Variants in GPR89B observed in about 807,000 individuals in gnomAD.
GPR89B encodes golgi pH regulator B.
Under a neutral mutation model 52.4 loss-of-function variants are expected in GPR89B, and 25 were observed. The observed-to-expected ratio is 0.48, with a 90% CI of 0.35 to 0.67. The LOEUF (loss-of-function observed/expected upper bound fraction) is 0.67. Ranked by LOEUF, GPR89B falls within the 30% of genes least tolerant of loss-of-function variation. The probability of loss-of-function intolerance (pLI) is 0.01; values close to 1 mark genes in which losing one functional copy is unlikely to be tolerated. For missense variants in GPR89B, 146 were observed against 450.2 expected, an observed-to-expected ratio of 0.32 and a Z score of 6.11; for synonymous variants, 52 against 151.2, an observed-to-expected ratio of 0.34 and a Z score of 4.81.
intron 5 of GPR89B, among the ~76,000 whole-genome samples, chr1:147,950,404 C>T (rs1655554353): frequency 6.6e-6 from 1 of 150,900 alleles, no homozygotes; most frequent in Admixed American, 6.6e-5. Flanking sequence ...CTCCTCACTT[C>T]CTAGATGGTA....
intron 10 of GPR89B, among the ~76,000 whole-genome samples, chr1:147,970,514 TC>T (rs1657357115): frequency 6.7e-6 from 1 of 149,386 alleles, no homozygotes; most frequent in African/African-American, 2.5e-5. Flanking sequence ...TCTCTCTCTC[TC>T]TCTCTCTCTC....
At position 147,980,515 on chromosome 1, in the gene GPR89B, C is replaced by A. The variant is rs1438946714; in HGVS notation, c.910-5684C>A. ...TACTATCCTTTTAATATCTATAGAA[C>A]CTGTAGAGACTGTTATTTTTTTCAT... On this transcript the variant is annotated intron_variant, in intron 10 of 13. Coordinates refer to ENST00000314163, the MANE Select transcript of GPR89B (RefSeq NM_016334.5). Among the ~76,000 whole-genome samples the A allele has an allele frequency of 8.5e-3, 1,088 of 128,148 alleles. 19 individuals carry two copies. The highest frequency in any genetic ancestry group is 0.032 in the African/African-American group (1,040 of 32,192). The allele number at this position is 128,148 out of a possible 152,430, so 84.1% of individuals were successfully genotyped here.
intron 7 of GPR89B, among the ~76,000 whole-genome samples, chr1:147,962,146 A>C (rs1400641984): frequency 6.6e-6 from 1 of 151,886 alleles, no homozygotes; most frequent in Non-Finnish European, 1.5e-5. Flanking sequence ...ACACATGGCC[A>C]GGCACGGTGG....
At chr1:147,997,282 G>A (rs1659337588), downstream of GPR89B, among the ~76,000 whole-genome samples, 1 of 152,184 alleles carries the variant, frequency 6.6e-6, no homozygotes. Flanking sequence ...TAGAAGCCCG[G>A]TAAAGCATTA....
chr1:148,007,543 A>G, the GPR89B span, among the ~76,000 whole-genome samples: 1 of 149,016 alleles, frequency 6.7e-6, no homozygotes, highest in Non-Finnish European at 1.5e-5. Flanking sequence ...ATCTTCTTAC[A>G]GCTATTTTGA....
intron 5 of GPR89B, among the ~76,000 whole-genome samples, chr1:147,952,928 A>G (rs1655832947): frequency 6.6e-6 from 1 of 151,468 alleles, no homozygotes; most frequent in East Asian, 1.9e-4. Context: ...GGAAATACAT[A>G]TATATCAAAG....
downstream of GPR89B, chr1:147,995,479 T>G: frequency 8.6e-7 from 1 of 1,165,552 alleles, no homozygotes; most frequent in African/African-American, 1.5e-5. Context: ...ATCTTTACAT[T>G]GTCATTTTCT....
At position 147,986,263 on chromosome 1, in the gene GPR89B, T is replaced by A. The variant is rs1206032855; in HGVS notation, c.974T>A (p.Ile325Asn). ...GATCCTGTCACAAGAGGCATTGAGA[T>A]CACTGTGAATTATCTGGGAATCCAA... The part of the protein sequence containing the change: ...KTDPVTRGIE[I>N]TVNYLGIQFD... Residue 325 changes from isoleucine (I) to asparagine (N), a missense_variant, in exon 11 of 14, where the codon ATC becomes AAC. Coordinates refer to ENST00000314163, the MANE Select transcript of GPR89B (RefSeq NM_016334.5). The A allele has an allele frequency of 6.2e-7, 1 of 1,611,230 alleles. No homozygotes were observed. The highest frequency in any genetic ancestry group is 8.5e-7 in the Non-Finnish European group (1 of 1,179,486).
chr1:147,981,318 G>GACACACACACACACACACACAC (rs1189035337), intron 10 of GPR89B, among the ~76,000 whole-genome samples: 50 of 149,244 alleles, frequency 3.4e-4, no homozygotes, highest in African/African-American at 9.3e-4. Flanking sequence ...CTCCCTCCCC[G>GACACACACACACACACACACAC]ACACACACAC....
At position 147,983,298 on chromosome 1, in the gene GPR89B, A is replaced by G. The variant is rs1658407798; in HGVS notation, c.910-2901A>G. Among the ~76,000 whole-genome samples, 3 of 152,300 alleles carry G rather than the reference A, an allele frequency of 2.0e-5. No individual in the cohort carries two copies. In the South Asian group the frequency reaches 6.2e-4, roughly 32 times the overall value. ...CATGTCTAAAAGCATACCAAAAGCAATGGCAACAAAAGCCAAAATTGACAA... is the reference window on the plus strand; with the variant it reads ...CATGTCTAAAAGCATACCAAAAGCAGTGGCAACAAAAGCCAAAATTGACAA... On this transcript the variant is annotated intron_variant, in intron 10 of 13. Coordinates refer to ENST00000314163, the MANE Select transcript of GPR89B (RefSeq NM_016334.5).
At chr1:147,928,628 T>G in intron 1 of GPR89B, 50 bp downstream of exon 1, 1 of 1,611,882 alleles carries the variant, frequency 6.2e-7, no homozygotes, top group Non-Finnish European at 8.5e-7. Context: ...CTTCACCGAA[T>G]CGCCCTCTCC....
chr1:147,963,915 G>A (rs1656828485), intron 7 of GPR89B, among the ~76,000 whole-genome samples: 1 of 152,118 alleles, frequency 6.6e-6, no homozygotes, highest in Admixed American at 6.5e-5. Flanking sequence ...TACGCTGAGT[G>A]AAAAAGAATC....
In GPR89B at chr1:147,958,569, G is replaced by A. The variant is rs1438901570; in HGVS notation, c.617+4167G>A. Among the ~76,000 whole-genome samples the A allele has an allele frequency of 3.5e-5, 5 of 143,760 alleles. 1 individual carries two copies. The highest frequency in any genetic ancestry group is 1.3e-4 in the African/African-American group (5 of 37,080). 94.3% of individuals were successfully genotyped at this position (143,760 alleles called of 152,430 possible). ...GCAGGAAAATCGCTTGAACCCGGGA[G>A]GCAGAGGTTGCAGTGAGCCGAGATT... On this transcript the variant is annotated intron_variant, in intron 7 of 13. Transcript: ENST00000314163.
At chr1:147,937,824 T>C (rs1654217954) in intron 2 of GPR89B, among the ~76,000 whole-genome samples, 1 of 152,146 alleles carries the variant, frequency 6.6e-6, no homozygotes, top group Admixed American at 6.5e-5. Context: ...GTTAACGCAA[T>C]CATCACAGGG....
At chr1:148,009,327 C>T in the GPR89B span, 7 of 1,610,644 alleles carry the variant, frequency 4.3e-6, no homozygotes, top group Admixed American at 1.0e-4. Context: ...CCCCCTGCTC[C>T]CCAAAAAATT....
chr1:147,978,682 C>T (rs1301563020), intron 10 of GPR89B, among the ~76,000 whole-genome samples: 1 of 151,702 alleles, frequency 6.6e-6, no homozygotes, highest in African/African-American at 2.4e-5. Flanking sequence ...GAGTTGCTGA[C>T]ATTTCTGCAG....
chr1:147,961,314 GA>G (rs1571276260), intron 7 of GPR89B, among the ~76,000 whole-genome samples: 1 of 151,730 alleles, frequency 6.6e-6, no homozygotes, highest in Non-Finnish European at 1.5e-5. Context: ...GAAAGGGGCA[GA>G]AAAAGCATTG....
chr1:147,984,944 A>G (rs1658554932), intron 10 of GPR89B, among the ~76,000 whole-genome samples: 1 of 152,172 alleles, frequency 6.6e-6, no homozygotes, highest in Non-Finnish European at 1.5e-5. Context: ...TCTTACCTGT[A>G]TGTGAGTAGA....
At chr1:147,932,608 C>G (rs1406888695) in intron 1 of GPR89B, among the ~76,000 whole-genome samples, 22 of 152,064 alleles carry the variant, frequency 1.4e-4, no homozygotes, top group African/African-American at 4.4e-4. Context: ...GATAACCATG[C>G]CTCGTACTTA....
Sources: gnomAD v4.1 joint callset for allele counts (sites outside exome capture counted in the v4.1 genomes callset) on GRCh38, gnomAD v4.1.1 for gene constraint, MANE v1.5 for transcripts, NCBI Gene and HGNC (gene_info 2026-07-23, HGNC 2026-07-21) for gene names.